The following SPART variants were observed in gnomAD, a reference collection of about 807,000 sequenced individuals.
SPART encodes the protein spartin.
SPART carries 35 observed loss-of-function variants against 58.7 expected under a neutral mutation model. That is an observed-to-expected ratio of 0.60 (90% CI 0.46 to 0.79). The LOEUF (loss-of-function observed/expected upper bound fraction) is 0.79. SPART is among the 30% of genes least tolerant of loss of function. The pLI is 0.00. For synonymous variants in SPART, 284 were observed against 280.7 expected (o/e 1.01, Z -0.12); for missense variants, 730 against 786.1 (o/e 0.93, Z 0.85).
intron 1 of SPART, among the ~76,000 whole-genome samples, chr13:36,367,774 C>G (rs1307950779): frequency 6.6e-6 from 1 of 152,194 alleles, no homozygotes; most frequent in Non-Finnish European, 1.5e-5. Context: ...GTGATATCTC[C>G]TCACTCACTA....
At chr13:36,345,356 C>T (rs949376574) in intron 1 of SPART, among the ~76,000 whole-genome samples, 9 of 152,174 alleles carry the variant, frequency 5.9e-5, no homozygotes, top group Non-Finnish European at 8.8e-5. Flanking sequence ...TTATAAAGAA[C>T]TGCGAATCAG....
chr13:36,367,976 G>A (rs1366394807), intron 1 of SPART, among the ~76,000 whole-genome samples: 1 of 152,098 alleles, frequency 6.6e-6, no homozygotes, highest in Non-Finnish European at 1.5e-5. Context: ...TTATTTGTGT[G>A]TTCTCTATTC....
chr13:36,329,458 G>A lies in SPART; in HGVS notation c.1068C>T (p.Pro356=). ...NEFQIPGRTR[P]SSDQLKEASG... is the part of the protein sequence containing the mutation. ...AGGCTTCTTTTAGTTGGTCAGAGGAGGGTCTAGTTCTTCCAGGGATTTGGA... is the reference window on the plus strand; with the variant it reads ...AGGCTTCTTTTAGTTGGTCAGAGGAAGGTCTAGTTCTTCCAGGGATTTGGA... Residue 356 remains proline, a synonymous_variant, in exon 4 of 9, where the codon CCC becomes CCT. Coordinates refer to ENST00000438666, the MANE Select transcript of SPART (RefSeq NM_015087.5). The A allele has an allele frequency of 1.9e-6, 3 of 1,614,078 alleles. No homozygotes were observed. The highest frequency in any genetic ancestry group is 2.5e-6 in the Non-Finnish European group (3 of 1,179,962).
In SPART at chr13:36,314,093, CAA is replaced by C. The variant is rs1368788910; in HGVS notation, c.1483+132_1483+133del. 7.6e-6 allele frequency: 7 copies of C among 920,070 alleles called. No individual in the cohort carries two copies. In the Middle Eastern group the frequency reaches 2.1e-3, roughly 279 times the overall value. The allele number at this position is 920,070 out of a possible 1,614,324, so 57.0% of individuals were successfully genotyped here. On this transcript the variant is annotated intron_variant, in intron 6 of 8. Coordinates refer to ENST00000438666, the MANE Select transcript of SPART (RefSeq NM_015087.5). ...GGTCCGCAGGTCTCACTATGAATAA[CAA>C]AGAGAAACTGCTTTGTCCTAATTCT...
intron 8 of SPART, among the ~76,000 whole-genome samples, chr13:36,311,638 T>A (rs1881116012): frequency 6.6e-6 from 1 of 152,198 alleles, no homozygotes; most frequent in Non-Finnish European, 1.5e-5. Flanking sequence ...ATGTTTATAA[T>A]GATTAGTAAC....
intron 1 of SPART, among the ~76,000 whole-genome samples, chr13:36,364,539 C>G (rs1885985060): frequency 6.6e-6 from 1 of 152,070 alleles, no homozygotes. Context: ...GATGGCAATC[C>G]CACGCTTTGT....
At chr13:36,353,973 G>GT (rs1430652693) in intron 1 of SPART, among the ~76,000 whole-genome samples, 1 of 152,184 alleles carries the variant, frequency 6.6e-6, no homozygotes, top group East Asian at 1.9e-4. Flanking sequence ...CTATTCAGAT[G>GT]TCAAAGGATG....
chr13:36,367,651 T>C (rs1266460623), intron 1 of SPART, among the ~76,000 whole-genome samples: 1 of 152,172 alleles, frequency 6.6e-6, no homozygotes, highest in Non-Finnish European at 1.5e-5. Flanking sequence ...GAAAAAAGCC[T>C]TGTAAGCTTC....
chr13:36,301,761 C>G lies in SPART; in HGVS notation c.*2604G>C, dbSNP rs771717861. 2.0e-5 allele frequency: 3 copies of G among 152,120 alleles called. No homozygotes were observed. The highest frequency in any genetic ancestry group is 4.4e-5 in the Non-Finnish European group (3 of 68,014). 9.4% of individuals were successfully genotyped at this position (152,120 alleles called of 1,614,324 possible). On this transcript the variant is annotated 3_prime_UTR_variant, in exon 9 of 9. Transcript: ENST00000438666. ...CCTGGCATTATTTTGCAAAACTTGA[C>G]AAGCCAACAACTCCACTCTTACGCA...
At chr13:36,315,532 G>A (rs886277219) in intron 5 of SPART, among the ~76,000 whole-genome samples, 1 of 152,156 alleles carries the variant, frequency 6.6e-6, no homozygotes, top group Non-Finnish European at 1.5e-5. Flanking sequence ...ACAATGAAAA[G>A]TGACATGTAA....
chr13:36,333,694 A>G (rs1566129937), intron 2 of SPART, among the ~76,000 whole-genome samples: 2 of 152,274 alleles, frequency 1.3e-5, no homozygotes, highest in South Asian at 2.1e-4. Context: ...ACGGTACAGT[A>G]TTTCTGCCAT....
At chr13:36,369,608 A>G (rs1361999687) in intron 1 of SPART, 1 of 152,190 alleles carries the variant, frequency 6.6e-6, no homozygotes, top group Non-Finnish European at 1.5e-5. Flanking sequence ...CAGGTTTGCC[A>G]TCCTCTACTT....
intron 1 of SPART, among the ~76,000 whole-genome samples, chr13:36,345,191 T>A (rs1054487716): frequency 6.6e-6 from 1 of 152,146 alleles, no homozygotes; most frequent in African/African-American, 2.4e-5. Flanking sequence ...TGTATACACC[T>A]CCCTCCGTAG....
chr13:36,321,559 A>G (rs1171461547), intron 5 of SPART, among the ~76,000 whole-genome samples: 2 of 151,934 alleles, frequency 1.3e-5, no homozygotes, highest in African/African-American at 4.8e-5. Flanking sequence ...CCCTTACCAC[A>G]AGACCTCCCT....
upstream of SPART, among the ~76,000 whole-genome samples, chr13:36,349,774 AATCATTTTC>A (rs1209855854): frequency 6.6e-6 from 1 of 152,264 alleles, no homozygotes. Context: ...TATGTTGCAA[AATCATTTTC>A]ATATGAAGAA....
At chr13:36,317,088 T>G (rs1223606417) in intron 5 of SPART, among the ~76,000 whole-genome samples, 3 of 152,170 alleles carry the variant, frequency 2.0e-5, no homozygotes, top group Non-Finnish European at 4.4e-5. Context: ...AAAACTCCGG[T>G]GCCAGTCACA....
intron 5 of SPART, among the ~76,000 whole-genome samples, chr13:36,318,056 G>A (rs12429658): frequency 0.14 from 20,772 of 151,896 alleles, 1,483 homozygotes; most frequent in Admixed American, 0.18. Flanking sequence ...AACACCAAGC[G>A]TCGCTGAGTC....
intron 1 of SPART, among the ~76,000 whole-genome samples, chr13:36,366,669 C>G (rs1419811804): frequency 6.6e-6 from 1 of 152,182 alleles, no homozygotes; most frequent in Non-Finnish European, 1.5e-5. Flanking sequence ...GGGACCTCCT[C>G]TTTTGGCTTG....
chr13:36,363,359 C>G (rs144713876), intron 1 of SPART, among the ~76,000 whole-genome samples: 1 of 151,894 alleles, frequency 6.6e-6, no homozygotes, highest in Non-Finnish European at 1.5e-5. Context: ...GCATCTCTCT[C>G]TCTCTCTCTC....
Sources: allele counts gnomAD v4.1 joint callset (sites outside exome capture counted in the v4.1 genomes callset), GRCh38; gene constraint gnomAD v4.1.1; transcripts MANE v1.5; gene names NCBI Gene and HGNC (gene_info 2026-07-23, HGNC 2026-07-21).